CPA6: variants seen among roughly 807,000 people sequenced by gnomAD.
CPA6 encodes the protein carboxypeptidase B.
CPA6 carries 58 observed loss-of-function variants against 63.3 expected under a neutral mutation model. The observed-to-expected ratio is 0.92, with a 90% confidence interval of 0.74 to 1.14. CPA6 has a LOEUF of 1.14. CPA6 is among the 50% of genes most tolerant of loss of function. The pLI is 0.00. For missense variants in CPA6, 565 were observed against 526.6 expected (o/e 1.07, Z -0.71); for synonymous variants, 185 against 179.0 (o/e 1.03, Z -0.27).
intron 1 of CPA6, among the ~76,000 whole-genome samples, chr8:67,672,387 A>G (rs1816367659): frequency 6.6e-6 from 1 of 152,074 alleles, no homozygotes; most frequent in African/African-American, 2.4e-5. Context: ...TTCCTGTGCA[A>G]CCCAAGTCAG....
At chr8:67,522,050 C>A (rs1408402164) in intron 2 of CPA6, among the ~76,000 whole-genome samples, 1 of 152,126 alleles carries the variant, frequency 6.6e-6, no homozygotes, top group Non-Finnish European at 1.5e-5. Context: ...CCCGGTGAAA[C>A]CCGATCTTCA....
At chr8:67,569,641 A>C in intron 2 of CPA6, 1 of 388,224 alleles carries the variant, frequency 2.6e-6, no homozygotes, top group Non-Finnish European at 5.3e-6. Flanking sequence ...GAGTGAAAAG[A>C]AGGCACAGAA....
rs1379620859 is a variant in CPA6 at position 67,475,934 on chromosome 8, CTCTTTCTTTCTCTG to C, written c.838+7820_838+7833del. Among the ~76,000 whole-genome samples the C allele has an allele frequency of 3.5e-3, 169 of 47,608 alleles. 1 individual carries two copies. The highest frequency in any genetic ancestry group is 0.016 in the African/African-American group (154 of 9,696). The allele number at this position is 47,608 out of a possible 152,430, so 31.2% of individuals were successfully genotyped here. A position where few individuals can be genotyped will look rare whatever the true frequency, so the allele number is the denominator to read the frequency against. ...TCTTTCTTTCTTTCTTTCTTTCTTT[CTCTTTCTTTCTCTG>C]TCTTTCTTTCTCTTTCTCTCTCTCT... is the stretch of plus-strand genomic sequence containing the variant. On this transcript the variant is annotated intron_variant, in intron 8 of 10. Transcript: ENST00000297770.
intron 1 of CPA6, among the ~76,000 whole-genome samples, chr8:67,630,671 T>C: frequency 6.6e-6 from 1 of 152,206 alleles, no homozygotes; most frequent in East Asian, 1.9e-4. Context: ...GGAGCCACTC[T>C]TTGGGCTGGC....
At chr8:67,669,920 C>CAAAAGGTT (rs1816306857) in intron 1 of CPA6, among the ~76,000 whole-genome samples, 1 of 152,102 alleles carries the variant, frequency 6.6e-6, no homozygotes, top group Non-Finnish European at 1.5e-5. Context: ...CTCTAGGTCA[C>CAAAAGGTT]AAAAGGTTAA....
At chr8:67,703,192 T>C (rs1032248694) in intron 1 of CPA6, among the ~76,000 whole-genome samples, 3 of 152,220 alleles carry the variant, frequency 2.0e-5, no homozygotes, top group Non-Finnish European at 2.9e-5. Context: ...TTCTTGACTT[T>C]CACTTTCCTG....
intron 2 of CPA6, among the ~76,000 whole-genome samples, chr8:67,600,427 C>T (rs1322874352): frequency 6.6e-6 from 1 of 152,008 alleles, no homozygotes; most frequent in Admixed American, 6.6e-5. Context: ...AGAAATAGTT[C>T]AAAAGATCTA....
intron 1 of CPA6, among the ~76,000 whole-genome samples, chr8:67,660,243 T>C (rs1202734103): frequency 6.6e-6 from 1 of 151,818 alleles, no homozygotes; most frequent in Non-Finnish European, 1.5e-5. Flanking sequence ...TTATTATATC[T>C]ACTAGTAGGG....
intron 2 of CPA6, among the ~76,000 whole-genome samples, chr8:67,610,943 A>C (rs1441102932): frequency 1.3e-5 from 2 of 152,210 alleles, no homozygotes; most frequent in Non-Finnish European, 2.9e-5. Context: ...GATTACATTA[A>C]ATAACATGTA....
At chr8:67,654,198 A>G (rs1815926047) in intron 1 of CPA6, among the ~76,000 whole-genome samples, 1 of 152,156 alleles carries the variant, frequency 6.6e-6, no homozygotes, top group Non-Finnish European at 1.5e-5. Flanking sequence ...TTGGTCTAAA[A>G]TTCTCTTTTT....
At chr8:67,564,630 C>T (rs141250676) in intron 2 of CPA6, among the ~76,000 whole-genome samples, 308 of 152,206 alleles carry the variant, frequency 2.0e-3, no homozygotes, top group African/African-American at 7.0e-3. Context: ...TTATACTCAT[C>T]GTTGTCCACT....
At chr8:67,563,148 T>C (rs537843444) in intron 2 of CPA6, among the ~76,000 whole-genome samples, 29 of 150,280 alleles carry the variant, frequency 1.9e-4, no homozygotes, top group African/African-American at 6.6e-4. Flanking sequence ...CAGGGCCAAA[T>C]AGGATGTGAC....
At chr8:67,565,767 T>C (rs1813322529) in intron 2 of CPA6, among the ~76,000 whole-genome samples, 1 of 152,244 alleles carries the variant, frequency 6.6e-6, no homozygotes, top group African/African-American at 2.4e-5. Flanking sequence ...TGTGGTTTTA[T>C]TTGTAATGTC....
intron 1 of CPA6, among the ~76,000 whole-genome samples, chr8:67,640,597 G>C (rs1423037130): frequency 6.6e-6 from 1 of 151,316 alleles, no homozygotes; most frequent in Non-Finnish European, 1.5e-5. Context: ...GCCTGGGAGG[G>C]TAGGGGTCCT....
At chr8:67,465,783 C>T (rs1052720944) in intron 8 of CPA6, among the ~76,000 whole-genome samples, 4 of 152,206 alleles carry the variant, frequency 2.6e-5, no homozygotes, top group African/African-American at 9.7e-5. Flanking sequence ...TTAAACCAAA[C>T]TTGCATCCCA....
At chr8:67,552,316 C>T (rs565173494) in intron 2 of CPA6, among the ~76,000 whole-genome samples, 56 of 152,282 alleles carry the variant, frequency 3.7e-4, no homozygotes, top group African/African-American at 1.2e-3. Context: ...GGAAGTTTTG[C>T]CTGTGGCTTA....
intron 2 of CPA6, among the ~76,000 whole-genome samples, chr8:67,618,217 C>T (rs755773605): frequency 6.6e-6 from 1 of 152,196 alleles, no homozygotes; most frequent in African/African-American, 2.4e-5. Flanking sequence ...TACAATCACA[C>T]GATCAGATTC....
At chr8:67,428,927 G>A (rs1057373938) in intron 9 of CPA6, among the ~76,000 whole-genome samples, 3 of 152,146 alleles carry the variant, frequency 2.0e-5, no homozygotes, top group South Asian at 4.1e-4. Flanking sequence ...TGTTGAATAA[G>A]CATAAATCTG....
intron 6 of CPA6, among the ~76,000 whole-genome samples, chr8:67,500,025 C>T (rs899331325): frequency 6.6e-6 from 1 of 152,182 alleles, no homozygotes; most frequent in African/African-American, 2.4e-5. Context: ...AGTGCAATTA[C>T]TGGGTCATAC....
Sources: allele counts gnomAD v4.1 joint callset (sites outside exome capture counted in the v4.1 genomes callset), GRCh38; gene constraint gnomAD v4.1.1; transcripts MANE v1.5; gene names NCBI Gene and HGNC (gene_info 2026-07-23, HGNC 2026-07-21).